CALN1: variants seen among roughly 807,000 people sequenced by gnomAD.
CALN1 encodes the protein calneuron 1, also known as calcium-binding protein 8.
In CALN1, 17 loss-of-function variants were observed where a neutral mutation model predicts 30.6. The ratio of observed to expected loss-of-function variants is 0.56; its 90% CI spans 0.38 to 0.83. The LOEUF (loss-of-function observed/expected upper bound fraction) is 0.83, where lower values mean the gene tolerates loss of function less well. Among genes scored for constraint, CALN1 ranks in the 40% least tolerant of loss-of-function variants. The pLI is 0.00. For synonymous variants in CALN1, 156 were observed against 131.4 expected (o/e 1.19, Z -1.28); for missense variants, 291 against 354.9 (o/e 0.82, Z 1.45).
intron 5 of CALN1, among the ~76,000 whole-genome samples, chr7:71,887,068 A>G (rs1014523218): frequency 6.6e-6 from 1 of 152,028 alleles, no homozygotes; most frequent in Non-Finnish European, 1.5e-5. Context: ...AAGTCTAAAT[A>G]ATGTTGCAAA....
chr7:71,784,236 T>A lies in CALN1; in HGVS notation c.*3539A>T, dbSNP rs931987762. On this transcript the variant is annotated 3_prime_UTR_variant, in exon 7 of 7. Coordinates refer to ENST00000395275, the MANE Select transcript of CALN1 (RefSeq NM_031468.4). ...TCTCCTGAGTAAATAGAAGGACAAG[T>A]TCAAATGCCAGACAAAAAGGCAGAG... 6 of 152,140 alleles carry A rather than the reference T, an allele frequency of 3.9e-5. No individual in the cohort carries two copies. The highest frequency in any genetic ancestry group is 1.2e-4 in the African/African-American group (5 of 41,430). 9.4% of individuals were successfully genotyped at this position (152,140 alleles called of 1,614,324 possible).
intron 4 of CALN1, among the ~76,000 whole-genome samples, chr7:72,048,151 T>C (rs554139781): frequency 9.1e-4 from 137 of 150,984 alleles, no homozygotes; most frequent in Non-Finnish European, 1.6e-3. Flanking sequence ...GCGATTCCCC[T>C]GCCTCAACCT....
chr7:72,116,119 G>A (rs1807968796), intron 3 of CALN1, among the ~76,000 whole-genome samples: 1 of 152,092 alleles, frequency 6.6e-6, no homozygotes, highest in South Asian at 2.1e-4. Context: ...TGCTATTTGA[G>A]GTGTGACTGC....
chr7:72,297,530 G>C (rs946074491), intron 2 of CALN1, among the ~76,000 whole-genome samples: 1 of 152,126 alleles, frequency 6.6e-6, no homozygotes, highest in South Asian at 2.1e-4. Context: ...TTGCACTCAA[G>C]ATAAAGAAAG....
chr7:72,425,146 C>G (rs1186722020), intron 1 of CALN1, among the ~76,000 whole-genome samples: 1 of 152,154 alleles, frequency 6.6e-6, no homozygotes, highest in Non-Finnish European at 1.5e-5. Context: ...CAGAGTCTCA[C>G]TCTGTTGCCC....
In CALN1 at chr7:72,026,704, C is replaced by T. The variant is rs538506935; in HGVS notation, c.389-2935G>A. On this transcript the variant is annotated intron_variant, in intron 4 of 6. Transcript: ENST00000395275. ...GTGCTGGGATTACAGGCATGAGCCA[C>T]CATACCTGACCTTAATAACTTCATT... Among the ~76,000 whole-genome samples, 9 of 152,164 alleles carry T rather than the reference C, an allele frequency of 5.9e-5. 1 individual carries two copies. In the South Asian group the frequency reaches 1.0e-3, roughly 18 times the overall value.
At chr7:72,100,245 A>G (rs935095947) in intron 4 of CALN1, among the ~76,000 whole-genome samples, 2 of 151,630 alleles carry the variant, frequency 1.3e-5, no homozygotes, top group Non-Finnish European at 2.9e-5. Context: ...TGCAGTCTTG[A>G]ACTCCTAAGC....
intron 2 of CALN1, among the ~76,000 whole-genome samples, chr7:72,357,596 A>T (rs1335978890): frequency 6.6e-6 from 1 of 151,722 alleles, no homozygotes; most frequent in Non-Finnish European, 1.5e-5. Context: ...CACAAATGAG[A>T]CTCACGTCAA....
intron 2 of CALN1, among the ~76,000 whole-genome samples, chr7:72,394,349 A>G (rs1805776511): frequency 1.3e-5 from 2 of 152,232 alleles, no homozygotes; most frequent in African/African-American, 4.8e-5. Flanking sequence ...GTTTTGACCC[A>G]GATGTTTCAC....
intron 2 of CALN1, among the ~76,000 whole-genome samples, chr7:72,324,820 G>C (rs1286371563): frequency 6.6e-6 from 1 of 151,866 alleles, no homozygotes; most frequent in Non-Finnish European, 1.5e-5. Context: ...GTGACCTCAA[G>C]TGATCCACCC....
At chr7:71,847,686 A>T (rs1584359788) in intron 5 of CALN1, among the ~76,000 whole-genome samples, 1 of 149,500 alleles carries the variant, frequency 6.7e-6, no homozygotes, top group African/African-American at 2.5e-5. Context: ...TGTCAAAAAA[A>T]AAAAGGAGGA....
intron 5 of CALN1, among the ~76,000 whole-genome samples, chr7:71,922,732 GAATAT>G (rs891152946): frequency 2.2e-4 from 26 of 116,096 alleles, no homozygotes; most frequent in Admixed American, 6.5e-4. Flanking sequence ...ATAACATACA[GAATAT>G]ATTATATATA....
intron 5 of CALN1, among the ~76,000 whole-genome samples, chr7:71,873,082 C>A (rs947806290): frequency 6.8e-6 from 1 of 147,502 alleles, no homozygotes; most frequent in Admixed American, 6.8e-5. Context: ...TGGCTCATTG[C>A]AGCCTTTGCC....
At chr7:72,159,859 A>AT (rs1787974676) in intron 3 of CALN1, among the ~76,000 whole-genome samples, 2 of 152,184 alleles carry the variant, frequency 1.3e-5, no homozygotes, top group African/African-American at 4.8e-5. Context: ...AAGAATTGAC[A>AT]GAGCTGAGTG....
At chr7:72,154,523 T>C (rs953647444) in intron 3 of CALN1, among the ~76,000 whole-genome samples, 6 of 152,182 alleles carry the variant, frequency 3.9e-5, no homozygotes, top group Non-Finnish European at 4.4e-5. Context: ...GCAATGTCTC[T>C]ACACAACACT....
chr7:72,342,012 A>C (rs982365300), intron 2 of CALN1, among the ~76,000 whole-genome samples: 3 of 152,022 alleles, frequency 2.0e-5, no homozygotes, highest in African/African-American at 7.2e-5. Context: ...GATACTTTGG[A>C]AGGTCTAGGT....
chr7:72,209,310 C>CTCCTTCCCTCCTTCCTTCCG (rs1792178930), intron 3 of CALN1, among the ~76,000 whole-genome samples: 2 of 21,046 alleles, frequency 9.5e-5, no homozygotes, highest in African/African-American at 4.1e-4. Context: ...CTTTCCTTCC[C>CTCCTTCCCTCCTTCCTTCCG]TCCTTCCCTC....
At chr7:72,362,584 T>C (rs1263226705) in intron 2 of CALN1, among the ~76,000 whole-genome samples, 1 of 152,164 alleles carries the variant, frequency 6.6e-6, no homozygotes, top group Non-Finnish European at 1.5e-5. Context: ...TTCTCCATGG[T>C]GGCCTGGTTC....
chr7:72,070,825 T>G (rs1804341244), intron 4 of CALN1, among the ~76,000 whole-genome samples: 1 of 152,194 alleles, frequency 6.6e-6, no homozygotes, highest in African/African-American at 2.4e-5. Context: ...TCTCCTCCCC[T>G]GTCTATAATT....
Sources: gnomAD v4.1 joint callset for allele counts (sites outside exome capture counted in the v4.1 genomes callset) on GRCh38, gnomAD v4.1.1 for gene constraint, MANE v1.5 for transcripts, NCBI Gene and HGNC (gene_info 2026-07-23, HGNC 2026-07-21) for gene names.